The following TENM2 variants were observed in gnomAD, a reference collection of about 807,000 sequenced individuals.
TENM2 encodes the protein teneurin transmembrane protein 2.
TENM2 carries 52 observed loss-of-function variants against 245.2 expected under a neutral mutation model. The observed-to-expected ratio is 0.21, with a 90% CI of 0.17 to 0.27. The LOEUF (loss-of-function observed/expected upper bound fraction) is 0.27. TENM2 is among the 10% of genes least tolerant of loss of function. The pLI, the probability that TENM2 is intolerant of heterozygous loss-of-function variation, is 1.00. For missense variants in TENM2, 3,046 were observed against 3,666.8 expected (o/e 0.83, Z 4.37); for synonymous variants, 1,363 against 1,438.9 (o/e 0.95, Z 1.19).
the TENM2 span, among the ~76,000 whole-genome samples, chr5:167,032,154 A>G: frequency 6.6e-6 from 1 of 152,220 alleles, no homozygotes. Context: ...TAAGATTACA[A>G]GTATAGCTAA....
chr5:168,220,753 C>A (rs904639575), intron 23 of TENM2, among the ~76,000 whole-genome samples: 2 of 152,084 alleles, frequency 1.3e-5, no homozygotes, highest in Non-Finnish European at 2.9e-5. Flanking sequence ...CACTGCATAG[C>A]CTTAGCCAAA....
chr5:168,061,608 T>C (rs887506446), intron 6 of TENM2, among the ~76,000 whole-genome samples: 3 of 152,186 alleles, frequency 2.0e-5, no homozygotes, highest in Admixed American at 2.0e-4. Flanking sequence ...AGTTGTTTTA[T>C]TTATTCTGGG....
At position 167,518,122 on chromosome 5, in the gene TENM2, T is replaced by C. The variant is rs1279976309; in HGVS notation, c.502+142649T>C. ...ATTGTAGTGAGCCGATATGGTATCA[T>C]TGCACTCCAGCCTGGGTGATAGAGC... On this transcript the variant is annotated intron_variant, in intron 2 of 28. Coordinates refer to ENST00000518659, the Ensembl canonical transcript of TENM2. Among the ~76,000 whole-genome samples the C allele has an allele frequency of 4.0e-5, 6 of 151,694 alleles. No homozygotes were observed. In the East Asian group the frequency reaches 1.2e-3, roughly 29 times the overall value.
At chr5:168,074,911 A>G (rs991121526) in intron 7 of TENM2, among the ~76,000 whole-genome samples, 2 of 152,186 alleles carry the variant, frequency 1.3e-5, no homozygotes, top group African/African-American at 4.8e-5. Flanking sequence ...TTTAGGTATA[A>G]TGTTAAAACT....
chr5:167,037,367 T>G, the TENM2 span, among the ~76,000 whole-genome samples: 2 of 152,234 alleles, frequency 1.3e-5, no homozygotes, highest in Non-Finnish European at 2.9e-5. Context: ...AAAATTTTTC[T>G]TAACTGATCT....
intron 2 of TENM2, among the ~76,000 whole-genome samples, chr5:167,855,220 CT>C (rs886612207): frequency 6.6e-6 from 1 of 152,052 alleles, no homozygotes; most frequent in African/African-American, 2.4e-5. Flanking sequence ...TGTGCTTCCC[CT>C]AGACATCAGC....
At chr5:167,954,704 A>C (rs547897512) in intron 4 of TENM2, among the ~76,000 whole-genome samples, 1 of 152,226 alleles carries the variant, frequency 6.6e-6, no homozygotes, top group East Asian at 1.9e-4. Context: ...CTTATGAGTG[A>C]GAACATGTGG....
chr5:167,005,780 G>A, the TENM2 span, among the ~76,000 whole-genome samples: 1 of 148,718 alleles, frequency 6.7e-6, no homozygotes, highest in South Asian at 2.2e-4. Context: ...TCCTGCCTCA[G>A]CCTCCTGAGT....
At chr5:168,199,770 C>T in intron 16 of TENM2, 94 bp from the exon 19 acceptor site, 1 of 1,351,374 alleles carries the variant, frequency 7.4e-7, no homozygotes. Context: ...TGTGATGCCT[C>T]AGTGAGGGAC....
At chr5:167,265,466 G>A in the TENM2 span, among the ~76,000 whole-genome samples, 1 of 152,148 alleles carries the variant, frequency 6.6e-6, no homozygotes, top group African/African-American at 2.4e-5. Flanking sequence ...TCAAGTTCAG[G>A]TGACGGTGGC....
At chr5:167,384,697 C>T (rs532362439) in intron 2 of TENM2, among the ~76,000 whole-genome samples, 25 of 114,754 alleles carry the variant, frequency 2.2e-4, no homozygotes, top group East Asian at 1.1e-3. Flanking sequence ...CGCGTGCACA[C>T]GCGTGCGCGC....
At chr5:167,545,137 C>G (rs1772470084) in intron 2 of TENM2, among the ~76,000 whole-genome samples, 1 of 152,164 alleles carries the variant, frequency 6.6e-6, no homozygotes, top group Non-Finnish European at 1.5e-5. Context: ...TGGGTTTGAA[C>G]TGAGGATTGG....
At chr5:167,252,078 T>C in the TENM2 span, among the ~76,000 whole-genome samples, 39 of 152,240 alleles carry the variant, frequency 2.6e-4, no homozygotes, top group South Asian at 2.1e-3. Context: ...CCTAGTGTGA[T>C]AAAGTTCTCC....
At chr5:167,087,793 C>CTT in the TENM2 span, among the ~76,000 whole-genome samples, 23 of 143,788 alleles carry the variant, frequency 1.6e-4, no homozygotes, top group Admixed American at 1.3e-3. Context: ...CAATATCTCT[C>CTT]TTTTTTTTTT....
chr5:167,665,950 C>T (rs1755546679), intron 2 of TENM2, among the ~76,000 whole-genome samples: 1 of 152,172 alleles, frequency 6.6e-6, no homozygotes. Flanking sequence ...AAGACAGGGT[C>T]TAGCTGATAA....
chr5:167,976,358 A>ATG (rs1054695229), intron 4 of TENM2, among the ~76,000 whole-genome samples: 8 of 152,188 alleles, frequency 5.3e-5, no homozygotes, highest in African/African-American at 1.7e-4. Context: ...ATATATATAT[A>ATG]AAGCTCACAA....
chr5:167,662,110 G>T (rs1245551211), intron 2 of TENM2, among the ~76,000 whole-genome samples: 3 of 152,206 alleles, frequency 2.0e-5, no homozygotes, highest in Non-Finnish European at 4.4e-5. Context: ...AAATTAAGGT[G>T]CAGCCACCAA....
intron 5 of TENM2, among the ~76,000 whole-genome samples, chr5:168,007,751 A>T (rs1356302129): frequency 2.0e-5 from 3 of 152,198 alleles, no homozygotes; most frequent in Non-Finnish European, 4.4e-5. Context: ...TAGTCTTAAC[A>T]GTTCCTCATT....
intron 2 of TENM2, among the ~76,000 whole-genome samples, chr5:167,463,503 T>TA (rs1202611142): frequency 2.8e-5 from 4 of 142,210 alleles, no homozygotes; most frequent in Admixed American, 2.8e-4. Flanking sequence ...TTTATTTTAT[T>TA]TTATTTTTTT....
Sources: allele counts gnomAD v4.1 joint callset (sites outside exome capture counted in the v4.1 genomes callset), GRCh38; gene constraint gnomAD v4.1.1; transcripts MANE v1.5; gene names NCBI Gene and HGNC (gene_info 2026-07-23, HGNC 2026-07-21).